Variants in EPB41L3 observed in about 807,000 individuals in gnomAD.
EPB41L3 encodes erythrocyte membrane protein band 4.1 like 3.
A neutral mutation model predicts 127.1 loss-of-function variants in EPB41L3; 57 were observed. The ratio of observed to expected loss-of-function variants is 0.45; its 90% CI spans 0.36 to 0.56. The LOEUF is 0.56. Among genes scored for constraint, EPB41L3 ranks in the 20% least tolerant of loss-of-function variants. EPB41L3 has a pLI of 0.00. For synonymous variants in EPB41L3, 572 were observed against 549.5 expected, an observed-to-expected ratio of 1.04 and a Z score of -0.57; for missense variants, 1,273 against 1,372.2, an observed-to-expected ratio of 0.93 and a Z score of 1.14.
chr18:5,456,136 C>T (rs2146860693), intron 3 of EPB41L3, among the ~76,000 whole-genome samples: 1 of 152,122 alleles, frequency 6.6e-6, no homozygotes, highest in African/African-American at 2.4e-5. Context: ...ATAAAAACAC[C>T]ACTTTCAATA....
intron 3 of EPB41L3, among the ~76,000 whole-genome samples, chr18:5,473,191 C>T (rs2086486581): frequency 6.6e-6 from 1 of 152,078 alleles, no homozygotes; most frequent in Non-Finnish European, 1.5e-5. Context: ...GCATGTTTCC[C>T]TGGAATACTA....
intron 3 of EPB41L3, among the ~76,000 whole-genome samples, chr18:5,602,136 T>A (rs929136234): frequency 1.5e-4 from 23 of 152,210 alleles, no homozygotes; most frequent in African/African-American, 5.5e-4. Flanking sequence ...GTTCTCATTT[T>A]GATGGTAAAG....
intron 6 of EPB41L3, 39 bp from the exon 7 acceptor site, chr18:5,434,160 T>C: frequency 6.4e-7 from 1 of 1,561,684 alleles, no homozygotes; most frequent in Non-Finnish European, 8.8e-7. Flanking sequence ...GAAGGCAGCA[T>C]GAGGATACAG....
intron 1 of EPB41L3, among the ~76,000 whole-genome samples, chr18:5,518,220 T>C (rs2092830223): frequency 6.6e-6 from 1 of 152,132 alleles, no homozygotes; most frequent in African/African-American, 2.4e-5. Context: ...CCGTTTCTTC[T>C]GGATCCTCGC....
chr18:5,589,117 A>T (rs2094464335), intron 3 of EPB41L3, among the ~76,000 whole-genome samples: 2 of 152,182 alleles, frequency 1.3e-5, no homozygotes, highest in South Asian at 4.1e-4. Flanking sequence ...AACTAAAGAC[A>T]TAAAAAGAGT....
intron 22 of EPB41L3, chr18:5,394,302 TC>T (rs1342587822): frequency 5.8e-6 from 1 of 171,234 alleles, no homozygotes; most frequent in East Asian, 1.6e-4. Flanking sequence ...AAATTGAGCC[TC>T]TCAGAGCAAA....
intron 3 of EPB41L3, among the ~76,000 whole-genome samples, chr18:5,465,793 T>C (rs976517974): frequency 6.6e-5 from 10 of 152,270 alleles, no homozygotes; most frequent in Admixed American, 5.9e-4. Flanking sequence ...AAATCAATTC[T>C]TTATGGAGTG....
intron 1 of EPB41L3, among the ~76,000 whole-genome samples, chr18:5,531,059 T>G (rs1487861495): frequency 6.6e-6 from 1 of 152,202 alleles, no homozygotes; most frequent in Non-Finnish European, 1.5e-5. Context: ...CTGACAACAG[T>G]GTCCATTATT....
intron 3 of EPB41L3, among the ~76,000 whole-genome samples, chr18:5,553,353 A>C (rs1000873706): frequency 1.3e-5 from 2 of 152,132 alleles, no homozygotes; most frequent in Admixed American, 6.6e-5. Flanking sequence ...AAAAAAACTG[A>C]GGCAAATGAG....
intron 3 of EPB41L3, among the ~76,000 whole-genome samples, chr18:5,557,523 T>TA (rs2094056707): frequency 3.3e-5 from 5 of 152,132 alleles, no homozygotes; most frequent in African/African-American, 1.2e-4. Flanking sequence ...TAGCTGGAAT[T>TA]ACAGGCGTGT....
chr18:5,440,932 A>G (rs2080617123), intron 5 of EPB41L3, among the ~76,000 whole-genome samples: 1 of 152,154 alleles, frequency 6.6e-6, no homozygotes, highest in South Asian at 2.1e-4. Context: ...ACTGGAGTGC[A>G]GTGGCACAAT....
At chr18:5,508,577 C>T (rs1197495229) in intron 1 of EPB41L3, among the ~76,000 whole-genome samples, 1 of 151,784 alleles carries the variant, frequency 6.6e-6, no homozygotes, top group Non-Finnish European at 1.5e-5. Context: ...ACCATCCTGG[C>T]CAACATGGTG....
At chr18:5,550,823 T>A (rs967701926) in intron 3 of EPB41L3, among the ~76,000 whole-genome samples, 3 of 152,194 alleles carry the variant, frequency 2.0e-5, no homozygotes, top group African/African-American at 7.2e-5. Flanking sequence ...GAAGGAACAC[T>A]CATGTACATA....
At chr18:5,507,946 T>C (rs1207765165) in intron 1 of EPB41L3, among the ~76,000 whole-genome samples, 1 of 152,208 alleles carries the variant, frequency 6.6e-6, no homozygotes, top group Non-Finnish European at 1.5e-5. Context: ...CTATCACTTT[T>C]GTGCACTTGT....
chr18:5,503,988 G>C (rs116135290), intron 1 of EPB41L3, among the ~76,000 whole-genome samples: 18 of 152,262 alleles, frequency 1.2e-4, no homozygotes, highest in African/African-American at 4.3e-4. Flanking sequence ...ACCTATATTA[G>C]TAATGATTAT....
At chr18:5,519,425 A>G (rs1463197918) in intron 1 of EPB41L3, among the ~76,000 whole-genome samples, 1 of 152,188 alleles carries the variant, frequency 6.6e-6, no homozygotes, top group East Asian at 1.9e-4. Flanking sequence ...CTTGTCCAAA[A>G]TTCTCAAAGA....
At chr18:5,505,164 A>G (rs1278390458) in intron 1 of EPB41L3, among the ~76,000 whole-genome samples, 1 of 152,094 alleles carries the variant, frequency 6.6e-6, no homozygotes, top group South Asian at 2.1e-4. Flanking sequence ...TTTTCTGTTG[A>G]CTAAAAGTCT....
chr18:5,494,688 A>G (rs2090975378), intron 1 of EPB41L3, among the ~76,000 whole-genome samples: 1 of 149,100 alleles, frequency 6.7e-6, no homozygotes. Context: ...AAAAAGAAAC[A>G]GTAAAAGAAA....
intron 3 of EPB41L3, among the ~76,000 whole-genome samples, chr18:5,449,523 CACAAATGTTTATA>C (rs146236615): frequency 0.012 from 1,842 of 152,298 alleles, 19 homozygotes; most frequent in South Asian, 0.041. Context: ...AAAACTTGCA[CACAAATGTTTATA>C]ACAGTTTTAT....
Sources: allele counts gnomAD v4.1 joint callset (sites outside exome capture counted in the v4.1 genomes callset), GRCh38; gene constraint gnomAD v4.1.1; transcripts MANE v1.5; gene names NCBI Gene and HGNC (gene_info 2026-07-23, HGNC 2026-07-21).